TEX36: variants seen among roughly 807,000 people sequenced by gnomAD.
The protein encoded by TEX36 is testis-expressed protein 36.
A neutral mutation model predicts 13.6 loss-of-function variants in TEX36; 12 were observed. That is an observed-to-expected ratio of 0.88 (90% CI 0.56 to 1.43). The LOEUF (loss-of-function observed/expected upper bound fraction) is 1.43, where lower values mean the gene tolerates loss of function less well. TEX36 is among the 40% of genes most tolerant of loss of function. The pLI is 0.00. For missense variants in TEX36, 224 were observed against 228.3 expected (o/e 0.98, Z 0.12); for synonymous variants, 93 against 83.0 (o/e 1.12, Z -0.65).
intron 3 of TEX36, among the ~76,000 whole-genome samples, chr10:125,589,171 C>T (rs912938460): frequency 2.0e-5 from 3 of 152,180 alleles, no homozygotes; most frequent in African/African-American, 7.2e-5. Flanking sequence ...ATGTTCTTTG[C>T]CTATTTTCAT....
chr10:125,621,049 A>C (rs1196971730), downstream of TEX36, among the ~76,000 whole-genome samples: 2 of 152,150 alleles, frequency 1.3e-5, no homozygotes, highest in Admixed American at 6.5e-5. Flanking sequence ...ACTTATTTCT[A>C]TGTTTTGGCT....
intron 3 of TEX36, among the ~76,000 whole-genome samples, chr10:125,628,324 A>G (rs552302274): frequency 1.3e-5 from 2 of 152,350 alleles, no homozygotes; most frequent in South Asian, 2.1e-4. Flanking sequence ...CACCCTGAAT[A>G]TGGAAGCATA....
intron 3 of TEX36, among the ~76,000 whole-genome samples, chr10:125,645,407 A>G (rs948121084): frequency 1.3e-5 from 2 of 152,052 alleles, no homozygotes; most frequent in African/African-American, 4.8e-5. Flanking sequence ...TGATAATAAG[A>G]GAAAGAAAGA....
intron 3 of TEX36, among the ~76,000 whole-genome samples, chr10:125,648,206 C>G (rs551858822): frequency 6.6e-6 from 1 of 152,374 alleles, no homozygotes; most frequent in Admixed American, 6.5e-5. Flanking sequence ...ACTGCCTCCT[C>G]AAGTGGGTCC....
chr10:125,582,290 A>G (rs1256130822), intron 3 of TEX36, among the ~76,000 whole-genome samples: 1 of 152,240 alleles, frequency 6.6e-6, no homozygotes, highest in East Asian at 1.9e-4. Context: ...TTTCACTCCC[A>G]TAATTTAACT....
At chr10:125,585,895 AC>A (rs1845940498) in intron 3 of TEX36, among the ~76,000 whole-genome samples, 1 of 152,216 alleles carries the variant, frequency 6.6e-6, no homozygotes, top group African/African-American at 2.4e-5. Context: ...TGTCAGTTTT[AC>A]TTTCAGCCCT....
At chr10:125,669,685 T>G (rs1847190719) in intron 1 of TEX36, among the ~76,000 whole-genome samples, 1 of 152,230 alleles carries the variant, frequency 6.6e-6, no homozygotes, top group African/African-American at 2.4e-5. Flanking sequence ...TTGCTGCACC[T>G]ATCAACCTGT....
intron 3 of TEX36, among the ~76,000 whole-genome samples, chr10:125,611,000 A>G (rs768591083): frequency 3.9e-5 from 6 of 152,146 alleles, no homozygotes; most frequent in Non-Finnish European, 5.9e-5. Flanking sequence ...TGGCCTCCCT[A>G]TGAATTTTTC....
chr10:125,630,623 G>A (rs1846540655), intron 3 of TEX36, among the ~76,000 whole-genome samples: 1 of 152,176 alleles, frequency 6.6e-6, no homozygotes, highest in Admixed American at 6.5e-5. Context: ...CTAAGGACAT[G>A]AATACGGGGA....
At chr10:125,661,719 T>G (rs1268238345) in intron 2 of TEX36, 127 bp downstream of exon 2, 1 of 1,284,878 alleles carries the variant, frequency 7.8e-7, no homozygotes, top group African/African-American at 1.5e-5. Context: ...TACCAACCCT[T>G]AGGGGTCCAA....
chr10:125,642,462 T>C (rs1415353722), intron 3 of TEX36, among the ~76,000 whole-genome samples: 1 of 151,934 alleles, frequency 6.6e-6, no homozygotes, highest in Non-Finnish European at 1.5e-5. Context: ...GAATGAAAAA[T>C]GGAAACTACG....
chr10:125,637,145 ATTAAAAAAT>A (rs1565180465), intron 3 of TEX36, among the ~76,000 whole-genome samples: 1 of 152,014 alleles, frequency 6.6e-6, no homozygotes, highest in African/African-American at 2.4e-5. Flanking sequence ...CTACAAAAAA[ATTAAAAAAT>A]AAAAATTAGT....
intron 1 of TEX36, among the ~76,000 whole-genome samples, chr10:125,679,807 C>T (rs537000481): frequency 8.5e-5 from 13 of 152,326 alleles, no homozygotes; most frequent in East Asian, 3.9e-4. Flanking sequence ...TAGGCGGGCA[C>T]GCAATGCTTC....
At chr10:125,580,096 C>G in intron 3 of TEX36, among the ~76,000 whole-genome samples, 1 of 152,174 alleles carries the variant, frequency 6.6e-6, no homozygotes, top group East Asian at 1.9e-4. Flanking sequence ...AAGGCATGGT[C>G]TGTATTATTA....
At chr10:125,647,700 C>G (rs952906606) in intron 3 of TEX36, among the ~76,000 whole-genome samples, 3 of 151,602 alleles carry the variant, frequency 2.0e-5, no homozygotes, top group African/African-American at 7.3e-5. Flanking sequence ...CAGAGCAGGG[C>G]GGGGCATTGC....
chr10:125,651,799 T>A (rs534664599), downstream of TEX36, among the ~76,000 whole-genome samples: 13 of 152,286 alleles, frequency 8.5e-5, no homozygotes, highest in South Asian at 1.4e-3. Flanking sequence ...TTCAGCAAAA[T>A]CTCAGGATAC....
At chr10:125,637,308 C>CAAA (rs758842533) in intron 3 of TEX36, among the ~76,000 whole-genome samples, 3 of 99,372 alleles carry the variant, frequency 3.0e-5, no homozygotes, top group Non-Finnish European at 4.3e-5. Flanking sequence ...GACCCTGTCT[C>CAAA]AAAAAAAAAA....
At chr10:125,636,466 G>T (rs540063177) in intron 3 of TEX36, among the ~76,000 whole-genome samples, 1 of 151,694 alleles carries the variant, frequency 6.6e-6, no homozygotes, top group African/African-American at 2.4e-5. Context: ...CACCTGCCTC[G>T]GCCTCCCAAA....
intron 1 of TEX36, among the ~76,000 whole-genome samples, chr10:125,669,770 C>T (rs1847192477): frequency 6.6e-6 from 1 of 152,086 alleles, no homozygotes; most frequent in African/African-American, 2.4e-5. Context: ...CGTAACAGGC[C>T]CCAGTGTGTG....
Sources: allele counts gnomAD v4.1 joint callset (sites outside exome capture counted in the v4.1 genomes callset), GRCh38; gene constraint gnomAD v4.1.1; transcripts MANE v1.5; gene names NCBI Gene and HGNC (gene_info 2026-07-23, HGNC 2026-07-21).